Variants in MAP4K3 observed in about 807,000 individuals in gnomAD.
MAP4K3 encodes MAPK/ERK kinase kinase kinase 3.
A neutral mutation model predicts 143.5 loss-of-function variants in MAP4K3; 94 were observed. That is an observed-to-expected ratio of 0.65 (90% confidence interval 0.55 to 0.78). The LOEUF (loss-of-function observed/expected upper bound fraction) is 0.78, where lower values mean the gene tolerates loss of function less well. MAP4K3 is among the 30% of genes least tolerant of loss of function. MAP4K3 has a pLI of 0.00. For synonymous variants in MAP4K3, 416 were observed against 347.2 expected (o/e 1.20, Z -2.20); for missense variants, 1,077 against 1,068.1 (o/e 1.01, Z -0.12).
chr2:39,263,480 C>T (rs1460098609), intron 28 of MAP4K3, among the ~76,000 whole-genome samples: 13 of 150,048 alleles, frequency 8.7e-5, no homozygotes, highest in African/African-American at 2.9e-4. Flanking sequence ...GGGGTTTCAC[C>T]GTGTTAGCCA....
At chr2:39,419,052 T>C (rs1667474680) in intron 1 of MAP4K3, among the ~76,000 whole-genome samples, 1 of 152,230 alleles carries the variant, frequency 6.6e-6, no homozygotes, top group Non-Finnish European at 1.5e-5. Context: ...TTTGTGACTT[T>C]TTGTAAATCC....
intron 4 of MAP4K3, among the ~76,000 whole-genome samples, chr2:39,342,149 A>ATTG (rs1665161786): frequency 8.3e-6 from 1 of 121,038 alleles, no homozygotes; most frequent in Admixed American, 8.4e-5. Context: ...TATTATTATT[A>ATTG]TTATTTTGAG....
chr2:39,288,426 A>T (rs1681890368), intron 19 of MAP4K3, 146 bp from the exon 20 acceptor site: 1 of 615,292 alleles, frequency 1.6e-6, no homozygotes, highest in African/African-American at 1.8e-5. Context: ...TCAACCATCC[A>T]ATTCAGACTA....
chr2:39,401,044 C>T (rs1049121036), intron 1 of MAP4K3, among the ~76,000 whole-genome samples: 9 of 152,146 alleles, frequency 5.9e-5, no homozygotes, highest in Middle Eastern at 3.4e-3. Context: ...ACAATTGTCC[C>T]GGCTTATATT....
chr2:39,351,675 T>C (rs148346967), intron 3 of MAP4K3, among the ~76,000 whole-genome samples: 27 of 152,362 alleles, frequency 1.8e-4, no homozygotes, highest in African/African-American at 6.3e-4. Context: ...TTATTTATTT[T>C]ACTTTAGTTT....
At chr2:39,347,640 T>C (rs1356734329) in intron 3 of MAP4K3, among the ~76,000 whole-genome samples, 1 of 152,104 alleles carries the variant, frequency 6.6e-6, no homozygotes, top group Non-Finnish European at 1.5e-5. Flanking sequence ...TGTAGTGTAG[T>C]GTAGTATAAC....
At chr2:39,290,835 C>T (rs1200019055) in intron 18 of MAP4K3, among the ~76,000 whole-genome samples, 1 of 152,050 alleles carries the variant, frequency 6.6e-6, no homozygotes, top group East Asian at 1.9e-4. Context: ...CTTTGGGAGG[C>T]CGAGGTGGGC....
intron 12 of MAP4K3, among the ~76,000 whole-genome samples, chr2:39,322,884 G>A (rs918992377): frequency 1.3e-5 from 2 of 151,944 alleles, no homozygotes; most frequent in Admixed American, 6.6e-5. Flanking sequence ...TAGCCAAGCT[G>A]GTCCCAAACT....
At position 39,267,213 on chromosome 2, in the gene MAP4K3, T is replaced by C; in HGVS notation, c.2008A>G (p.Lys670Glu). ...CCAACACAACACTTCTGGCACCATT[T>C]GGTTTCAGGGATTTTTGCTGATACA... ...FSVSAKIPET[K>E]WCQKCCVVRN... The change falls in exon 27 of 34, where the codon AAA (lysine) becomes GAA (glutamate). Residue 670 changes from lysine (K) to glutamate (E), a missense_variant. Coordinates refer to ENST00000263881, the MANE Select transcript of MAP4K3 (RefSeq NM_003618.4). 1 of 1,614,122 alleles carries C rather than the reference T, an allele frequency of 6.2e-7. No individual in the cohort carries two copies. Among genetic ancestry groups the C allele is most frequent in the Non-Finnish European group, 8.5e-7 (1 of 1,179,984 alleles).
chr2:39,343,253 C>A, intron 4 of MAP4K3, 135 bp downstream of exon 4: 1 of 533,630 alleles, frequency 1.9e-6, no homozygotes, highest in Non-Finnish European at 3.2e-6. Flanking sequence ...TCTAAAATAC[C>A]TTTATATAGC....
intron 6 of MAP4K3, among the ~76,000 whole-genome samples, chr2:39,335,471 T>A (rs1395712542): frequency 6.6e-6 from 1 of 152,170 alleles, no homozygotes; most frequent in Admixed American, 6.5e-5. Context: ...TAATGGAACA[T>A]CAAACTACCC....
At chr2:39,401,156 A>T (rs1666943481) in intron 1 of MAP4K3, among the ~76,000 whole-genome samples, 1 of 152,196 alleles carries the variant, frequency 6.6e-6, no homozygotes, top group Non-Finnish European at 1.5e-5. Context: ...CAGGAAAATG[A>T]AGAAAGCTAG....
chr2:39,435,900 C>T (rs1380209100), intron 1 of MAP4K3, among the ~76,000 whole-genome samples: 1 of 152,246 alleles, frequency 6.6e-6, no homozygotes, highest in East Asian at 1.9e-4. Context: ...AGGCATTACA[C>T]TGAAGAGTAA....
chr2:39,361,604 A>T (rs1665772238), intron 2 of MAP4K3, among the ~76,000 whole-genome samples: 4 of 151,982 alleles, frequency 2.6e-5, no homozygotes, highest in Admixed American at 2.6e-4. Flanking sequence ...TAAATTGTGT[A>T]CCTAAGAATA....
intron 19 of MAP4K3, among the ~76,000 whole-genome samples, chr2:39,289,745 T>G (rs866610025): frequency 6.6e-6 from 1 of 152,216 alleles, no homozygotes; most frequent in African/African-American, 2.4e-5. Flanking sequence ...AATCCATTAA[T>G]ACAATCATTT....
intron 16 of MAP4K3, among the ~76,000 whole-genome samples, chr2:39,295,311 A>C (rs925014555): frequency 4.6e-5 from 7 of 151,852 alleles, no homozygotes; most frequent in Admixed American, 4.6e-4. Flanking sequence ...ACACACACAC[A>C]AAAGTATGTT....
intron 7 of MAP4K3, among the ~76,000 whole-genome samples, chr2:39,332,911 CTG>C (rs1036453223): frequency 1.3e-5 from 2 of 151,904 alleles, no homozygotes; most frequent in Non-Finnish European, 2.9e-5. Context: ...TTTAAAATAA[CTG>C]TTTTCTATTT....
intron 2 of MAP4K3, among the ~76,000 whole-genome samples, chr2:39,371,740 G>GA (rs896045855): frequency 1.3e-5 from 2 of 150,810 alleles, no homozygotes; most frequent in African/African-American, 4.9e-5. Context: ...AGCTATATCA[G>GA]AAAAAAAAGA....
chr2:39,389,261 G>A (rs891100172), intron 1 of MAP4K3, among the ~76,000 whole-genome samples: 4 of 151,948 alleles, frequency 2.6e-5, no homozygotes, highest in Admixed American at 2.0e-4. Flanking sequence ...TAGACAAAAT[G>A]GCAGATCTGA....
Sources: allele counts gnomAD v4.1 joint callset (sites outside exome capture counted in the v4.1 genomes callset), GRCh38; gene constraint gnomAD v4.1.1; transcripts MANE v1.5; gene names NCBI Gene and HGNC (gene_info 2026-07-23, HGNC 2026-07-21).